Variants in ABCA1 observed in about 807,000 individuals in gnomAD.
ABCA1 encodes phospholipid-transporting ATPase ABCA1.
ABCA1 carries 133 observed loss-of-function variants against 262.5 expected under a neutral mutation model. The observed-to-expected ratio is 0.51, with a 90% confidence interval of 0.44 to 0.59. ABCA1 has a LOEUF of 0.59. ABCA1 is among the 20% of genes least tolerant of loss of function. The pLI, the probability that ABCA1 is intolerant of heterozygous loss-of-function variation, is 0.00. For synonymous variants in ABCA1, 1,022 were observed against 1,043.5 expected (o/e 0.98, Z 0.40); for missense variants, 2,452 against 2,777.5 (o/e 0.88, Z 2.63).
At chr9:104,906,426 A>T (rs1316997817) in intron 1 of ABCA1, among the ~76,000 whole-genome samples, 7 of 152,140 alleles carry the variant, frequency 4.6e-5, no homozygotes, top group Admixed American at 3.9e-4. Context: ...TTCAAGAAAA[A>T]GGTTCTGACT....
At chr9:104,812,865 A>G in intron 27 of ABCA1, 143 bp from the exon 28 acceptor site, 1 of 1,056,324 alleles carries the variant, frequency 9.5e-7, no homozygotes, top group Non-Finnish European at 1.4e-6. Context: ...GGCTTTCATG[A>G]CAAAGCTATG....
intron 44 of ABCA1, among the ~76,000 whole-genome samples, chr9:104,790,273 A>C (rs1006991311): frequency 6.6e-6 from 1 of 152,188 alleles, no homozygotes; most frequent in African/African-American, 2.4e-5. Flanking sequence ...AGAGAGGGCA[A>C]TTTACTTTGT....
intron 16 of ABCA1, among the ~76,000 whole-genome samples, 194 bp downstream of exon 16, chr9:104,826,751 TGAG>T (rs1446587722): frequency 6.6e-6 from 1 of 152,220 alleles, no homozygotes; most frequent in African/African-American, 2.4e-5. Context: ...CAGGATTCAC[TGAG>T]AAGACTAAAG....
At chr9:104,925,424 G>C (rs1246920224) in intron 1 of ABCA1, among the ~76,000 whole-genome samples, 1 of 150,944 alleles carries the variant, frequency 6.6e-6, no homozygotes, top group East Asian at 2.0e-4. Context: ...TGCACTCGTA[G>C]AAATACGAGG....
At chr9:104,831,148 A>AT (rs561589477) in intron 13 of ABCA1, 47 bp from the exon 14 acceptor site, 30 of 1,374,542 alleles carry the variant, frequency 2.2e-5, no homozygotes, top group Admixed American at 1.8e-4. Flanking sequence ...GAACCATACA[A>AT]TAAAAAAAAA....
At chr9:104,913,734 G>T (rs1311997946) in intron 1 of ABCA1, among the ~76,000 whole-genome samples, 1 of 152,084 alleles carries the variant, frequency 6.6e-6, no homozygotes, top group East Asian at 1.9e-4. Context: ...TCTCACAGAG[G>T]TTGCACCTAT....
intron 8 of ABCA1, among the ~76,000 whole-genome samples, chr9:104,841,875 A>G (rs1326102345): frequency 6.6e-6 from 1 of 152,262 alleles, no homozygotes; most frequent in Non-Finnish European, 1.5e-5. Context: ...TGCTATTATG[A>G]AATATTTATA....
chr9:104,884,646 A>T lies in ABCA1; in HGVS notation c.161-78T>A, dbSNP rs1243940747. The T allele has an allele frequency of 3.3e-6, 5 of 1,523,938 alleles. No individual in the cohort carries two copies. In the African/African-American group the frequency reaches 6.8e-5, roughly 21 times the overall value. The allele number at this position is 1,523,938 out of a possible 1,614,324, so 94.4% of individuals were successfully genotyped here. A position where few individuals can be genotyped will look rare whatever the true frequency, so the allele number is the denominator to read the frequency against. On this transcript the variant is annotated intron_variant, in intron 3 of 49. Coordinates refer to ENST00000374736, the MANE Select transcript of ABCA1 (RefSeq NM_005502.4). ...GCGATTTTGAGGCTCCATTTATACA[A>T]TGCTTCATGCCAAGTCTGTCCGTCC... is the stretch of plus-strand genomic sequence containing the variant.
At chr9:104,834,054 T>TA (rs987437585) in intron 11 of ABCA1, among the ~76,000 whole-genome samples, 2 of 149,936 alleles carry the variant, frequency 1.3e-5, no homozygotes, top group South Asian at 2.1e-4. Flanking sequence ...TGCTGCTTTA[T>TA]AAAAAAATCA....
intron 9 of ABCA1, among the ~76,000 whole-genome samples, chr9:104,838,101 G>A (rs956121051): frequency 1.3e-5 from 2 of 152,084 alleles, no homozygotes; most frequent in Non-Finnish European, 2.9e-5. Flanking sequence ...CAAGGCGGGC[G>A]AACCACCTGA....
At chr9:104,793,897 G>A (rs557567433) in intron 40 of ABCA1, among the ~76,000 whole-genome samples, 19 of 152,148 alleles carry the variant, frequency 1.2e-4, no homozygotes, top group East Asian at 7.7e-4. Context: ...TATGGCTACC[G>A]GAGAAATATT....
chr9:104,820,164 T>C, intron 20 of ABCA1, 95 bp from the exon 21 acceptor site: 1 of 1,474,274 alleles, frequency 6.8e-7, no homozygotes, highest in Admixed American at 1.7e-5. Context: ...GGCATATTTT[T>C]CTCTCCCCGT....
intron 33 of ABCA1, among the ~76,000 whole-genome samples, chr9:104,802,458 C>G (rs778505693): frequency 2.0e-5 from 3 of 152,110 alleles, no homozygotes; most frequent in South Asian, 2.1e-4. Flanking sequence ...CCCAGTGGCT[C>G]GTGTGTGAAT....
At chr9:104,883,923 C>G (rs1838915167) in intron 4 of ABCA1, among the ~76,000 whole-genome samples, 1 of 152,248 alleles carries the variant, frequency 6.6e-6, no homozygotes, top group Admixed American at 6.5e-5. Context: ...CAGCATCCTG[C>G]TTTGCTCAGG....
intron 3 of ABCA1, among the ~76,000 whole-genome samples, chr9:104,888,309 G>A (rs777187276): frequency 6.6e-5 from 10 of 152,080 alleles, no homozygotes; most frequent in Non-Finnish European, 1.5e-4. Context: ...CAGTGAAACT[G>A]AAGTCCCAGC....
At chr9:104,852,089 A>G (rs1422448010) in intron 7 of ABCA1, among the ~76,000 whole-genome samples, 7 of 152,232 alleles carry the variant, frequency 4.6e-5, no homozygotes, top group African/African-American at 4.8e-5. Flanking sequence ...GCATGTTACA[A>G]TGTGTTCATT....
intron 1 of ABCA1, among the ~76,000 whole-genome samples, chr9:104,916,357 T>C (rs1732517114): frequency 6.6e-6 from 1 of 152,220 alleles, no homozygotes; most frequent in Admixed American, 6.5e-5. Context: ...GAACAATTTT[T>C]AGTTGAGAGA....
chr9:104,811,710 G>A (rs1247846050), intron 28 of ABCA1, among the ~76,000 whole-genome samples: 1 of 152,194 alleles, frequency 6.6e-6, no homozygotes, highest in East Asian at 1.9e-4. Context: ...TTAACATTGA[G>A]TGAATAATTC....
intron 2 of ABCA1, among the ~76,000 whole-genome samples, chr9:104,897,723 C>G (rs1840336189): frequency 1.3e-5 from 2 of 152,220 alleles, no homozygotes; most frequent in Admixed American, 1.3e-4. Flanking sequence ...CCTGCCTCAC[C>G]CTCCCAAATA....
Sources: gnomAD v4.1 joint callset for allele counts (sites outside exome capture counted in the v4.1 genomes callset) on GRCh38, gnomAD v4.1.1 for gene constraint, MANE v1.5 for transcripts, NCBI Gene and HGNC (gene_info 2026-07-23, HGNC 2026-07-21) for gene names.